LRRTM4: variants seen among roughly 807,000 people sequenced by gnomAD.
The protein encoded by LRRTM4 is leucine-rich repeat transmembrane neuronal protein 4.
A neutral mutation model predicts 47.6 loss-of-function variants in LRRTM4; 25 were observed. The ratio of observed to expected loss-of-function variants is 0.53; its 90% CI spans 0.38 to 0.73. The LOEUF is 0.73. Ranked by LOEUF, LRRTM4 falls within the 30% of genes least tolerant of loss-of-function variation. The pLI, the probability that LRRTM4 is intolerant of heterozygous loss-of-function variation, is 0.00. For synonymous variants in LRRTM4, 311 were observed against 269.5 expected (o/e 1.15, Z -1.51); for missense variants, 638 against 713.4 (o/e 0.89, Z 1.20).
In LRRTM4 at chr2:77,125,469, C is replaced by T. The variant is rs1671630674; in HGVS notation, c.1552-376553G>A. Among the ~76,000 whole-genome samples the T allele has an allele frequency of 2.6e-5, 4 of 152,232 alleles. No individual in the cohort carries two copies. The South Asian group carries it at 8.3e-4, about 32-fold the overall frequency. Reference sequence around the variant, plus strand: ...TAGACCACGCATTGTTGTTAGTCTCCTACCTTTTTCCATCCTAAACGCTCA... The same window carrying T: ...TAGACCACGCATTGTTGTTAGTCTCTTACCTTTTTCCATCCTAAACGCTCA... On this transcript the variant is annotated intron_variant, in intron 3 of 3. Coordinates refer to ENST00000409884, the MANE Select transcript of LRRTM4 (RefSeq NM_001134745.3).
At chr2:76,773,806 AT>A (rs541171793) in intron 3 of LRRTM4, among the ~76,000 whole-genome samples, 1,731 of 147,326 alleles carry the variant, frequency 0.012, 20 homozygotes, top group African/African-American at 0.037. Flanking sequence ...AGTTTTTGGC[AT>A]TTTTTTTTTT....
chr2:76,820,904 TGGAGGCTGTG>T (rs757957061), intron 3 of LRRTM4, among the ~76,000 whole-genome samples: 116 of 51,526 alleles, frequency 2.3e-3, no homozygotes, highest in South Asian at 6.9e-3. Context: ...ACCCGTTCTC[TGGAGGCTGTG>T]AAAATTAGGG....
intron 3 of LRRTM4, among the ~76,000 whole-genome samples, chr2:77,137,214 G>A (rs183099703): frequency 9.9e-5 from 15 of 151,928 alleles, no homozygotes; most frequent in Non-Finnish European, 1.2e-4. Flanking sequence ...AATGTTAAGG[G>A]CAGCCAGAAA....
intron 3 of LRRTM4, among the ~76,000 whole-genome samples, chr2:76,788,515 G>C (rs899527878): frequency 3.3e-5 from 5 of 152,186 alleles, no homozygotes; most frequent in Non-Finnish European, 7.3e-5. Flanking sequence ...TATTTAACCT[G>C]TGTAGACTTA....
intron 3 of LRRTM4, among the ~76,000 whole-genome samples, chr2:77,330,113 G>A (rs867258003): frequency 6.6e-6 from 1 of 152,138 alleles, no homozygotes; most frequent in Non-Finnish European, 1.5e-5. Context: ...TTGGATGATA[G>A]AGTAACTGGC....
At chr2:76,951,108 TGATA>T (rs72424783) in intron 3 of LRRTM4, among the ~76,000 whole-genome samples, 23,383 of 151,982 alleles carry the variant, frequency 0.15, 2,115 homozygotes, top group Admixed American at 0.25. Context: ...AAAAGTCAAA[TGATA>T]GATTGGCTGC....
chr2:77,102,120 A>T (rs1331777245), intron 3 of LRRTM4, among the ~76,000 whole-genome samples: 2 of 152,048 alleles, frequency 1.3e-5, no homozygotes, highest in Non-Finnish European at 2.9e-5. Context: ...CTATACTCAA[A>T]TCTCCAGTTT....
At chr2:76,816,941 A>C (rs1340514722) in intron 3 of LRRTM4, among the ~76,000 whole-genome samples, 1 of 149,196 alleles carries the variant, frequency 6.7e-6, no homozygotes, top group Non-Finnish European at 1.5e-5. Flanking sequence ...GGAAGTGTAC[A>C]TGCAGAGTAT....
intron 3 of LRRTM4, among the ~76,000 whole-genome samples, chr2:77,303,643 A>G (rs1013948581): frequency 6.6e-6 from 1 of 152,180 alleles, no homozygotes; most frequent in Non-Finnish European, 1.5e-5. Flanking sequence ...AGTAACCACC[A>G]TTCAATTATC....
intron 3 of LRRTM4, among the ~76,000 whole-genome samples, chr2:77,314,159 G>A (rs1647612903): frequency 6.6e-6 from 1 of 152,116 alleles, no homozygotes; most frequent in Non-Finnish European, 1.5e-5. Context: ...GCTTCTAAGA[G>A]CTTATTTGTT....
At chr2:76,977,199 T>G (rs751903349) in intron 3 of LRRTM4, among the ~76,000 whole-genome samples, 21 of 151,762 alleles carry the variant, frequency 1.4e-4, no homozygotes, top group Non-Finnish European at 2.5e-4. Context: ...CCAATCTTAA[T>G]GACATCAGCA....
chr2:77,474,210 G>A (rs2103998631), intron 3 of LRRTM4, among the ~76,000 whole-genome samples: 1 of 152,068 alleles, frequency 6.6e-6, no homozygotes, highest in African/African-American at 2.4e-5. Flanking sequence ...ACAAAGAAAA[G>A]AAATGAGGGA....
intron 3 of LRRTM4, among the ~76,000 whole-genome samples, chr2:76,764,036 G>GA (rs1297297999): frequency 6.6e-6 from 1 of 152,192 alleles, no homozygotes; most frequent in Non-Finnish European, 1.5e-5. Context: ...GAACTCAGTT[G>GA]AATGTGTTGT....
intron 3 of LRRTM4, among the ~76,000 whole-genome samples, chr2:76,793,303 G>T (rs79498728): frequency 6.6e-6 from 1 of 152,070 alleles, no homozygotes; most frequent in African/African-American, 2.4e-5. Flanking sequence ...TCATGGGTTA[G>T]CAAACAAATG....
intron 3 of LRRTM4, among the ~76,000 whole-genome samples, chr2:77,219,381 A>G (rs547173875): frequency 3.9e-5 from 6 of 152,188 alleles, no homozygotes; most frequent in South Asian, 4.1e-4. Context: ...TCACTGAAAC[A>G]AAAAACACCA....
At chr2:76,958,114 G>T (rs1208302852) in intron 3 of LRRTM4, among the ~76,000 whole-genome samples, 1 of 151,596 alleles carries the variant, frequency 6.6e-6, no homozygotes, top group Non-Finnish European at 1.5e-5. Context: ...AAAATTCCAT[G>T]GAATACAACA....
chr2:77,362,370 CT>C (rs1200501535), intron 3 of LRRTM4, among the ~76,000 whole-genome samples: 2 of 152,058 alleles, frequency 1.3e-5, no homozygotes, highest in African/African-American at 4.8e-5. Flanking sequence ...GTACATAGTT[CT>C]AAGTATATAG....
At chr2:76,803,192 A>C (rs1184021906) in intron 3 of LRRTM4, among the ~76,000 whole-genome samples, 2 of 152,180 alleles carry the variant, frequency 1.3e-5, no homozygotes, top group Non-Finnish European at 2.9e-5. Context: ...TTTGCAAACC[A>C]CTTATATCAT....
chr2:77,124,883 G>A (rs557757027), intron 3 of LRRTM4, among the ~76,000 whole-genome samples: 51 of 152,008 alleles, frequency 3.4e-4, no homozygotes, highest in Admixed American at 1.4e-3. Context: ...GTGGTCCCAC[G>A]TGCACTGCAG....
Sources: allele counts gnomAD v4.1 joint callset (sites outside exome capture counted in the v4.1 genomes callset), GRCh38; gene constraint gnomAD v4.1.1; transcripts MANE v1.5; gene names NCBI Gene and HGNC (gene_info 2026-07-23, HGNC 2026-07-21).